CADM1: variants seen among roughly 807,000 people sequenced by gnomAD.
CADM1 encodes the protein cell adhesion molecule 1, also known as TSLC-1.
A neutral mutation model predicts 53.1 loss-of-function variants in CADM1; 15 were observed. The observed-to-expected ratio is 0.28, with a 90% CI of 0.19 to 0.44. The LOEUF is 0.44. Among genes scored for constraint, CADM1 ranks in the 20% least tolerant of loss-of-function variants. The probability of loss-of-function intolerance (pLI) is 1.00; values close to 1 mark genes in which losing one functional copy is unlikely to be tolerated. For synonymous variants in CADM1, 281 were observed against 243.0 expected (o/e 1.16, Z -1.45); for missense variants, 434 against 611.3 (o/e 0.71, Z 3.06).
intron 1 of CADM1, among the ~76,000 whole-genome samples, chr11:115,431,006 G>A (rs1948033022): frequency 6.6e-6 from 1 of 152,024 alleles, no homozygotes; most frequent in Admixed American, 6.6e-5. Flanking sequence ...TTATCTTCTG[G>A]CTTGGAACTG....
chr11:115,251,171 C>T (rs1330676059), intron 1 of CADM1, among the ~76,000 whole-genome samples: 2 of 152,170 alleles, frequency 1.3e-5, no homozygotes, highest in African/African-American at 2.4e-5. Flanking sequence ...GACCCAAACT[C>T]GAAAGGCAGC....
At chr11:115,398,510 T>G (rs1339119895) in intron 1 of CADM1, among the ~76,000 whole-genome samples, 1 of 152,068 alleles carries the variant, frequency 6.6e-6, no homozygotes, top group African/African-American at 2.4e-5. Context: ...TTGTATATAC[T>G]TCCCCTCTCA....
At position 115,279,958 on chromosome 11, in the gene CADM1, C is replaced by T. The variant is rs975698232; in HGVS notation, c.125-39538G>A. 1.4e-4 allele frequency among the ~76,000 whole-genome samples: 22 copies of T among 152,162 alleles called. 1 individual carries two copies. The highest frequency in any genetic ancestry group is 1.1e-3 in the Admixed American group (17 of 15,280). ...GGATGAGTGCGTGACTCGCATACTG[C>T]ACAGCTGTAGAAAGCTAAGCCCCTT... On this transcript the variant is annotated intron_variant, in intron 1 of 11. Coordinates refer to ENST00000331581, the MANE Select transcript of CADM1 (RefSeq NM_001301043.2).
intron 6 of CADM1, among the ~76,000 whole-genome samples, chr11:115,217,651 A>C (rs1244483919): frequency 6.6e-6 from 1 of 152,194 alleles, no homozygotes; most frequent in African/African-American, 2.4e-5. Context: ...TGTTGATAAT[A>C]ATAAAATAGA....
chr11:115,308,149 G>C lies in CADM1; in HGVS notation c.125-67729C>G, dbSNP rs868018417. Among the ~76,000 whole-genome samples, 24 of 137,220 alleles carry C rather than the reference G, an allele frequency of 1.7e-4. No individual in the cohort carries two copies. In the East Asian group the frequency reaches 2.7e-3, roughly 15 times the overall value. The allele number at this position is 137,220 out of a possible 152,430, so 90.0% of individuals were successfully genotyped here. ...AGACACAAACTCTCTCTCTGTGTGT[G>C]TGTGTGTGTGTGTGTGTGTGTGTGT... On this transcript the variant is annotated intron_variant, in intron 1 of 11. Transcript: ENST00000331581.
chr11:115,458,456 G>A (rs1188156587), intron 1 of CADM1, among the ~76,000 whole-genome samples: 1 of 150,688 alleles, frequency 6.6e-6, no homozygotes, highest in Non-Finnish European at 1.5e-5. Context: ...TTAGCAGGGT[G>A]CTTGGCAGGC....
intron 1 of CADM1, chr11:115,397,719 C>CAT (rs1947037697): frequency 4.3e-3 from 1 of 230 alleles, no homozygotes; most frequent in Non-Finnish European, 8.9e-3. Context: ...TGTACTCTAT[C>CAT]AGTTACGTTA....
chr11:115,475,855 A>C (rs2135400325), intron 1 of CADM1, among the ~76,000 whole-genome samples: 1 of 152,356 alleles, frequency 6.6e-6, no homozygotes, highest in South Asian at 2.1e-4. Context: ...TGTGGTAATC[A>C]TACCACTGTA....
chr11:115,210,010 G>C lies in CADM1; in HGVS notation c.995-353C>G, dbSNP rs147574712. ...AAGAGGGTACAATGGTTGTCATTTC[G>C]TTTCAGCTTTTACAGATGGCAGGAA... On this transcript the variant is annotated intron_variant, in intron 7 of 11. Coordinates refer to ENST00000331581, the MANE Select transcript of CADM1 (RefSeq NM_001301043.2). Among the ~76,000 whole-genome samples the C allele has an allele frequency of 2.2e-3, 328 of 152,278 alleles. 4 individuals are homozygous for C. In the South Asian group the frequency reaches 0.028, roughly 13 times the overall value.
At chr11:115,258,678 G>A (rs956465532) in intron 1 of CADM1, among the ~76,000 whole-genome samples, 4 of 152,190 alleles carry the variant, frequency 2.6e-5, no homozygotes, top group East Asian at 1.9e-4. Flanking sequence ...TTATTATAAC[G>A]TGTTACCAAG....
chr11:115,301,242 G>C (rs867389399), intron 1 of CADM1, among the ~76,000 whole-genome samples: 2 of 152,056 alleles, frequency 1.3e-5, no homozygotes, highest in Middle Eastern at 3.4e-3. Context: ...TTTTTCAAAA[G>C]AGGGATAGGA....
At chr11:115,219,504 A>C (rs1260443180) in intron 5 of CADM1, among the ~76,000 whole-genome samples, 2 of 152,168 alleles carry the variant, frequency 1.3e-5, no homozygotes, top group East Asian at 3.8e-4. Flanking sequence ...GAGAACGTAA[A>C]GTTAACAAGC....
At chr11:115,235,573 T>A (rs2134883546) in intron 3 of CADM1, among the ~76,000 whole-genome samples, 1 of 152,334 alleles carries the variant, frequency 6.6e-6, no homozygotes, top group East Asian at 1.9e-4. Flanking sequence ...TCTTCTCAGC[T>A]AACCTCAAAT....
At chr11:115,487,802 C>A (rs565038653) in intron 1 of CADM1, among the ~76,000 whole-genome samples, 1 of 152,318 alleles carries the variant, frequency 6.6e-6, no homozygotes, top group South Asian at 2.1e-4. Context: ...CCACCTAATT[C>A]TAGAAGAAAT....
intron 1 of CADM1, among the ~76,000 whole-genome samples, chr11:115,314,322 C>T (rs1379266167): frequency 6.6e-6 from 1 of 152,130 alleles, no homozygotes. Context: ...GCTCGGGTCC[C>T]TATTATGCAT....
chr11:115,356,148 A>G (rs1264697754), intron 1 of CADM1, among the ~76,000 whole-genome samples: 1 of 151,736 alleles, frequency 6.6e-6, no homozygotes, highest in African/African-American at 2.4e-5. Flanking sequence ...ACTATAATAT[A>G]ACTCACATAG....
At chr11:115,364,503 TA>T (rs1403180518) in intron 1 of CADM1, among the ~76,000 whole-genome samples, 1 of 151,798 alleles carries the variant, frequency 6.6e-6, no homozygotes, top group Admixed American at 6.6e-5. Flanking sequence ...TGTCACCATT[TA>T]AAAAGTCTTC....
intron 7 of CADM1, among the ~76,000 whole-genome samples, chr11:115,213,395 C>T (rs1449614945): frequency 6.6e-6 from 1 of 152,080 alleles, no homozygotes; most frequent in African/African-American, 2.4e-5. Context: ...AATACAACCA[C>T]GGACAACATT....
chr11:115,177,405 T>C (rs1157864814), intron 11 of CADM1, among the ~76,000 whole-genome samples: 1 of 152,174 alleles, frequency 6.6e-6, no homozygotes, highest in Non-Finnish European at 1.5e-5. Context: ...CAGTATGCTA[T>C]ATAGGTAGAA....
Sources: gnomAD v4.1 joint callset for allele counts (sites outside exome capture counted in the v4.1 genomes callset) on GRCh38, gnomAD v4.1.1 for gene constraint, MANE v1.5 for transcripts, NCBI Gene and HGNC (gene_info 2026-07-23, HGNC 2026-07-21) for gene names.